Variants in NTPCR observed in about 807,000 individuals in gnomAD.
NTPCR encodes cancer-related nucleoside-triphosphatase.
NTPCR carries 15 observed loss-of-function variants against 19.5 expected under a neutral mutation model. The ratio of observed to expected loss-of-function variants is 0.77; its 90% confidence interval spans 0.51 to 1.18. The LOEUF is 1.18. NTPCR is among the 50% of genes most tolerant of loss of function. The probability of loss-of-function intolerance (pLI) is 0.00; values close to 1 mark genes in which losing one functional copy is unlikely to be tolerated. For synonymous variants in NTPCR, 90 were observed against 95.8 expected (o/e 0.94, Z 0.36); for missense variants, 206 against 240.4 (o/e 0.86, Z 0.95).
intron 4 of NTPCR, among the ~76,000 whole-genome samples, chr1:232,977,706 G>T (rs1396723557): frequency 3.9e-5 from 6 of 152,046 alleles, no homozygotes; most frequent in Non-Finnish European, 8.8e-5. Flanking sequence ...GCGGGTAGAT[G>T]ACTGAGCATC....
At position 232,971,390 on chromosome 1, in the gene NTPCR, G is replaced by A. The variant is rs567776531; in HGVS notation, c.504+1272G>A. Among the ~76,000 whole-genome samples, 4 of 152,264 alleles carry A rather than the reference G, an allele frequency of 2.6e-5. No individual in the cohort carries two copies. In the South Asian group the frequency reaches 8.3e-4, roughly 32 times the overall value. On this transcript the variant is annotated intron_variant, in intron 4 of 4. Transcript: ENST00000366628. ...AATCACTGAGTGAAATGTCACCTTG[G>A]CCCACTGGCAGTATCCACATGTTGC...
Position 232,978,322 on chromosome 1 carries a change from G to A in NTPCR, c.*91G>A. 9.7e-7 allele frequency: 1 copy of A among 1,036,212 alleles called. No homozygotes were observed. Among genetic ancestry groups the A allele is most frequent in the South Asian group, 1.4e-5 (1 of 70,590 alleles). 64.2% of individuals were successfully genotyped at this position (1,036,212 alleles called of 1,614,324 possible). A position where few individuals can be genotyped will look rare whatever the true frequency, so the allele number is the denominator to read the frequency against. ...CCTGTCGAGGCTGTATGCCTATGGG[G>A]TTATGGAACCTTGTGGGCTTTTCTA... On this transcript the variant is annotated 3_prime_UTR_variant, in exon 5 of 5. Transcript: ENST00000366628.
intron 3 of NTPCR, chr1:232,969,287 G>A (rs1356212666): frequency 6.5e-6 from 1 of 153,180 alleles, no homozygotes. Context: ...TGAGTGATTC[G>A]AGAGAGGGGA....
intron 4 of NTPCR, among the ~76,000 whole-genome samples, 195 bp downstream of exon 4, chr1:232,970,313 TG>T (rs983502939): frequency 1.3e-5 from 2 of 152,122 alleles, no homozygotes; most frequent in Non-Finnish European, 2.9e-5. Flanking sequence ...AACTCGCTTA[TG>T]GGGGGGCCTC....
chr1:232,958,997 A>G (rs948122020), intron 3 of NTPCR, among the ~76,000 whole-genome samples: 2 of 152,228 alleles, frequency 1.3e-5, no homozygotes, highest in Non-Finnish European at 2.9e-5. Flanking sequence ...TAAAAAATAA[A>G]GAAATACAGA....
At chr1:232,976,824 C>A in intron 4 of NTPCR, 1 of 279,392 alleles carries the variant, frequency 3.6e-6, no homozygotes, top group Non-Finnish European at 6.8e-6. Flanking sequence ...CTGGCACTTG[C>A]TGCGTGAGCT....
intron 3 of NTPCR, chr1:232,962,313 T>A (rs1668688704): frequency 6.6e-6 from 1 of 152,196 alleles, no homozygotes; most frequent in African/African-American, 2.4e-5. Context: ...TGTCTTAATT[T>A]TTCAGATAAT....
At position 232,978,393 on chromosome 1, in the gene NTPCR, A is replaced by G; in HGVS notation, c.*162A>G. 1 of 593,404 alleles carries G rather than the reference A, an allele frequency of 1.7e-6. No individual in the cohort carries two copies. The highest frequency in any genetic ancestry group is 3.0e-6 in the Non-Finnish European group (1 of 333,928). The allele number at this position is 593,404 out of a possible 1,614,324, so 36.8% of individuals were successfully genotyped here. A position where few individuals can be genotyped will look rare whatever the true frequency, so the allele number is the denominator to read the frequency against. ...TCCCATAAAATGTTTAAAAGATCAAATTAGCCTTAATGCTGGATTGTCTGT... is the reference window on the plus strand; with the variant it reads ...TCCCATAAAATGTTTAAAAGATCAAGTTAGCCTTAATGCTGGATTGTCTGT... On this transcript the variant is annotated 3_prime_UTR_variant, in exon 5 of 5. Coordinates refer to ENST00000366628, the MANE Select transcript of NTPCR (RefSeq NM_032324.3).
chr1:232,979,042 A>C lies in NTPCR; in HGVS notation c.*811A>C, dbSNP rs964664226. 5 of 152,122 alleles carry C rather than the reference A, an allele frequency of 3.3e-5. No homozygotes were observed. The highest frequency in any genetic ancestry group is 7.4e-5 in the Non-Finnish European group (5 of 68,026). 9.4% of individuals were successfully genotyped at this position (152,122 alleles called of 1,614,324 possible). On this transcript the variant is annotated 3_prime_UTR_variant, in exon 5 of 5. Coordinates refer to ENST00000366628, the MANE Select transcript of NTPCR (RefSeq NM_032324.3). The surrounding 1 kb of genome is among the most constrained non-coding windows in gnomAD (Gnocchi z 5.3). ...AGGAAACTGTCAACCACTCCACACAACTGTGGAGAGTGCCCAGTGCCAGGG... is the reference window on the plus strand; with the variant it reads ...AGGAAACTGTCAACCACTCCACACACCTGTGGAGAGTGCCCAGTGCCAGGG...
chr1:232,956,614 G>A (rs1668519578), intron 3 of NTPCR, among the ~76,000 whole-genome samples, 171 bp downstream of exon 3: 1 of 152,180 alleles, frequency 6.6e-6, no homozygotes, highest in African/African-American at 2.4e-5. Context: ...ATCACTCTGA[G>A]CTACAGATAA....
At chr1:232,954,304 C>T (rs970037276) in intron 1 of NTPCR, among the ~76,000 whole-genome samples, 5 of 152,032 alleles carry the variant, frequency 3.3e-5, no homozygotes, top group African/African-American at 1.2e-4. Context: ...AAGCCAGGTG[C>T]CATTATTTTA....
In NTPCR at chr1:232,980,058, T is replaced by C. The variant is rs976238369; in HGVS notation, c.*1827T>C. The C allele has an allele frequency of 6.6e-6, 1 of 152,268 alleles. No homozygotes were observed. Among genetic ancestry groups the C allele is most frequent in the Non-Finnish European group, 1.5e-5 (1 of 68,046 alleles). 9.4% of individuals were successfully genotyped at this position (152,268 alleles called of 1,614,324 possible). ...CCTTCTGGTGCTTGTCCTTTTGAGC[T>C]TGGTGTTTCAGCCGTGTCTGTTTTG... On this transcript the variant is annotated 3_prime_UTR_variant, in exon 5 of 5. Coordinates refer to ENST00000366628, the MANE Select transcript of NTPCR (RefSeq NM_032324.3).
rs555347709 is a variant in NTPCR at position 232,980,775 on chromosome 1, C to G, written c.*2544C>G. On this transcript the variant is annotated 3_prime_UTR_variant, in exon 5 of 5. Transcript: ENST00000366628. ...TCCACGTGACCGTCCCCTCCCTGCA[C>G]GCAGCCAGGATGAGAGGAGCAGAGC... The G allele has an allele frequency of 1.3e-5, 2 of 152,258 alleles. No homozygotes were observed. Among genetic ancestry groups the G allele is most frequent in the Non-Finnish European group, 2.9e-5 (2 of 68,072 alleles). 9.4% of individuals were successfully genotyped at this position (152,258 alleles called of 1,614,324 possible).
chr1:232,953,878 T>A (rs1484252283), intron 1 of NTPCR, among the ~76,000 whole-genome samples: 1 of 152,248 alleles, frequency 6.6e-6, no homozygotes, highest in East Asian at 1.9e-4. Flanking sequence ...GCATGGTATT[T>A]CTGTGTATTT....
At chr1:232,969,579 A>G (rs2102753472) in intron 3 of NTPCR, 1 of 229,834 alleles carries the variant, frequency 4.4e-6, no homozygotes, top group South Asian at 7.8e-5. Context: ...AAAAAAAAGT[A>G]AGTACAATTG....
chr1:232,955,554 TA>T lies in NTPCR; in HGVS notation c.35-2del. The T allele has an allele frequency of 6.5e-7, 1 of 1,534,468 alleles. No homozygotes were observed. The highest frequency in any genetic ancestry group is 2.4e-5 in the Admixed American group (1 of 42,210). The stretch of plus-strand genomic sequence containing the variant: ...TCTTTTTTTTTTTTTTTTTTTATTT[TA>T]GGAGTTGGAAAAACAACATTGATCC... On this transcript the variant is annotated splice_acceptor_variant, in intron 1 of 4. Transcript: ENST00000366628. LOFTEE classifies it high-confidence loss of function.
chr1:232,958,067 G>C lies in NTPCR; in HGVS notation c.294+1624G>C, dbSNP rs577642206. 2.6e-5 allele frequency among the ~76,000 whole-genome samples: 4 copies of C among 152,228 alleles called. No individual in the cohort carries two copies. The East Asian group carries it at 7.7e-4, about 29-fold the overall frequency. Reference sequence around the variant, plus strand: ...AGAAGGTAAGTTTGGTGAGGTGGGGGGCCATGAGATGCAGGGCTCTGTGGA... The same window carrying C: ...AGAAGGTAAGTTTGGTGAGGTGGGGCGCCATGAGATGCAGGGCTCTGTGGA... On this transcript the variant is annotated intron_variant, in intron 3 of 4. Transcript: ENST00000366628.
chr1:232,976,663 T>C (rs1301744842), intron 4 of NTPCR: 1 of 1,295,990 alleles, frequency 7.7e-7, no homozygotes, highest in Non-Finnish European at 1.0e-6. Context: ...CCGCCCAGGA[T>C]TGACGCAGCC....
intron 1 of NTPCR, among the ~76,000 whole-genome samples, chr1:232,951,963 C>G (rs1668377182): frequency 6.6e-6 from 1 of 152,120 alleles, no homozygotes; most frequent in Non-Finnish European, 1.5e-5. Context: ...GTCCTGTTAC[C>G]GTGATTGTAT....
Sources: allele counts gnomAD v4.1 joint callset (sites outside exome capture counted in the v4.1 genomes callset), GRCh38; gene constraint gnomAD v4.1.1; non-coding constraint Gnocchi (gnomAD v3.1); transcripts MANE v1.5; gene names NCBI Gene and HGNC (gene_info 2026-07-23, HGNC 2026-07-21).